The following SHC4 variants were observed in gnomAD, a reference collection of about 807,000 sequenced individuals.
SHC4 encodes the protein SHC-transforming protein 4.
In SHC4, 41 loss-of-function variants were observed where a neutral mutation model predicts 69.4. The ratio of observed to expected loss-of-function variants is 0.59; its 90% confidence interval spans 0.46 to 0.77. The LOEUF (loss-of-function observed/expected upper bound fraction) is 0.77, where lower values mean the gene tolerates loss of function less well. Among genes scored for constraint, SHC4 ranks in the 30% least tolerant of loss-of-function variants. The probability of loss-of-function intolerance (pLI) is 0.00; values close to 1 mark genes in which losing one functional copy is unlikely to be tolerated. For synonymous variants in SHC4, 318 were observed against 299.3 expected, an observed-to-expected ratio of 1.06 and a Z score of -0.64; for missense variants, 777 against 783.8, an observed-to-expected ratio of 0.99 and a Z score of 0.10.
At chr15:48,891,266 A>G (rs1221378930) in intron 2 of SHC4, among the ~76,000 whole-genome samples, 4 of 152,214 alleles carry the variant, frequency 2.6e-5, no homozygotes, top group Non-Finnish European at 4.4e-5. Flanking sequence ...GAAAATTTAA[A>G]AGGATCGGGA....
chr15:48,886,724 T>G (rs1276888663), intron 3 of SHC4, among the ~76,000 whole-genome samples: 1 of 152,228 alleles, frequency 6.6e-6, no homozygotes, highest in Non-Finnish European at 1.5e-5. Flanking sequence ...TACAGCGAAG[T>G]GCTAACAAAC....
chr15:48,906,385 C>T (rs1378586643), intron 2 of SHC4, among the ~76,000 whole-genome samples: 1 of 152,156 alleles, frequency 6.6e-6, no homozygotes, highest in Non-Finnish European at 1.5e-5. Flanking sequence ...CTATTTTTTA[C>T]TGTATCTACT....
intron 1 of SHC4, among the ~76,000 whole-genome samples, chr15:48,927,289 C>T (rs935235809): frequency 2.0e-5 from 3 of 152,200 alleles, no homozygotes; most frequent in Non-Finnish European, 4.4e-5. Flanking sequence ...ATCCTGCAGT[C>T]CTGGCTCTGG....
chr15:48,862,286 A>C (rs1172976514), intron 6 of SHC4, among the ~76,000 whole-genome samples: 1 of 152,054 alleles, frequency 6.6e-6, no homozygotes, highest in Non-Finnish European at 1.5e-5. Flanking sequence ...TTCACAGACT[A>C]GATTCAGGGA....
intron 5 of SHC4, among the ~76,000 whole-genome samples, chr15:48,871,168 T>C (rs1194648889): frequency 3.3e-5 from 5 of 152,238 alleles, no homozygotes; most frequent in Non-Finnish European, 2.9e-5. Context: ...TAATCTTTTC[T>C]TTAAAAAATG....
chr15:48,955,100 C>G (rs1397307204), intron 1 of SHC4, among the ~76,000 whole-genome samples: 2 of 152,172 alleles, frequency 1.3e-5, no homozygotes, highest in Non-Finnish European at 2.9e-5. Context: ...GGATCCCTCT[C>G]TTGGGTTTCC....
intron 1 of SHC4, among the ~76,000 whole-genome samples, chr15:48,955,485 T>C (rs1901437861): frequency 6.6e-6 from 1 of 151,992 alleles, no homozygotes; most frequent in African/African-American, 2.4e-5. Flanking sequence ...GAAACCATAT[T>C]GGGGAAATGA....
chr15:48,886,690 T>C (rs1440608862), intron 3 of SHC4, among the ~76,000 whole-genome samples: 1 of 152,240 alleles, frequency 6.6e-6, no homozygotes, highest in Non-Finnish European at 1.5e-5. Context: ...GTATTAATAA[T>C]AAAGTATATG....
intron 5 of SHC4, 43 bp from the exon 6 acceptor site, chr15:48,867,912 G>A (rs1233361398): frequency 6.7e-7 from 1 of 1,501,082 alleles, no homozygotes; most frequent in Non-Finnish European, 9.2e-7. Flanking sequence ...TGGATGAACT[G>A]TACTGTTGAA....
In SHC4 at chr15:48,892,093, T is replaced by G. The variant is rs377066611; in HGVS notation, c.657-1282A>C. Among the ~76,000 whole-genome samples, 157 of 152,082 alleles carry G rather than the reference T, an allele frequency of 1.0e-3. 4 individuals carry two copies. In the South Asian group the frequency reaches 0.029, roughly 28 times the overall value. Reference sequence around the variant, plus strand: ...GATGGTCTCGATCTCCTGACCTCGTTATCCGCCCGCCTCGGCCTCCTAAAG... The same window carrying G: ...GATGGTCTCGATCTCCTGACCTCGTGATCCGCCCGCCTCGGCCTCCTAAAG... On this transcript the variant is annotated intron_variant, in intron 2 of 11. Transcript: ENST00000332408.
At chr15:48,847,999 T>C (rs1243037993) in intron 9 of SHC4, among the ~76,000 whole-genome samples, 1 of 127,356 alleles carries the variant, frequency 7.9e-6, no homozygotes, top group Non-Finnish European at 1.6e-5. Flanking sequence ...CAAAACTCCG[T>C]CTAAAAAAAA....
At chr15:48,849,656 G>T (rs560326498) in intron 9 of SHC4, among the ~76,000 whole-genome samples, 2 of 152,296 alleles carry the variant, frequency 1.3e-5, no homozygotes, top group South Asian at 4.1e-4. Context: ...GAACATGGTT[G>T]CAATACCACA....
At chr15:48,876,428 T>G (rs908158015) in intron 4 of SHC4, 2 of 373,318 alleles carry the variant, frequency 5.4e-6, no homozygotes, top group Non-Finnish European at 9.4e-6. Flanking sequence ...AGCACAGAAC[T>G]AATGGAATAT....
At chr15:48,919,554 G>T (rs948910366) in intron 2 of SHC4, among the ~76,000 whole-genome samples, 1 of 151,760 alleles carries the variant, frequency 6.6e-6, no homozygotes, top group Non-Finnish European at 1.5e-5. Context: ...CTCCCAAAGT[G>T]CTGGGACTAC....
At chr15:48,910,745 A>G (rs1275586494) in intron 2 of SHC4, among the ~76,000 whole-genome samples, 2 of 152,070 alleles carry the variant, frequency 1.3e-5, no homozygotes, top group African/African-American at 4.8e-5. Flanking sequence ...TGTATCCCAG[A>G]GGTTTTGATA....
At chr15:48,833,731 C>T (rs1378620793) in intron 11 of SHC4, among the ~76,000 whole-genome samples, 1 of 152,208 alleles carries the variant, frequency 6.6e-6, no homozygotes, top group East Asian at 1.9e-4. Context: ...AAGCTCTACT[C>T]TCCTCTTTCC....
At position 48,840,818 on chromosome 15, in the gene SHC4, G is replaced by A. The variant is rs34020547; in HGVS notation, c.1483+2591C>T. ...CAACAGGGCAGCAAGGAGCCCAAGA[G>A]CGCTATGGTACATTAAATCCTAATA... is the stretch of plus-strand genomic sequence containing the variant. On this transcript the variant is annotated intron_variant, in intron 10 of 11. Coordinates refer to ENST00000332408, the MANE Select transcript of SHC4 (RefSeq NM_203349.4). Among the ~76,000 whole-genome samples, 1,208 of 152,180 alleles carry A rather than the reference G, an allele frequency of 7.9e-3. 9 individuals carry two copies. Among genetic ancestry groups the A allele is most frequent in the Non-Finnish European group, 0.012 (850 of 68,012 alleles).
intron 2 of SHC4, among the ~76,000 whole-genome samples, chr15:48,897,210 GC>G (rs1900239036): frequency 6.6e-6 from 1 of 152,106 alleles, no homozygotes; most frequent in Admixed American, 6.5e-5. Context: ...AAAGAGAAAC[GC>G]CCCAGAGCAC....
intron 2 of SHC4, among the ~76,000 whole-genome samples, chr15:48,918,678 C>T (rs1014635663): frequency 2.0e-5 from 3 of 152,114 alleles, no homozygotes; most frequent in Admixed American, 6.5e-5. Context: ...CCCTCTCTTT[C>T]AGCAATATTT....
Sources: allele counts gnomAD v4.1 joint callset (sites outside exome capture counted in the v4.1 genomes callset), GRCh38; gene constraint gnomAD v4.1.1; transcripts MANE v1.5; gene names NCBI Gene and HGNC (gene_info 2026-07-23, HGNC 2026-07-21).